NBAS: variants seen among roughly 807,000 people sequenced by gnomAD.
NBAS encodes the protein NAG/BC035112 fusion.
In NBAS, 219 loss-of-function variants were observed where a neutral mutation model predicts 302.5. The ratio of observed to expected loss-of-function variants is 0.72; its 90% CI spans 0.65 to 0.81. The LOEUF (loss-of-function observed/expected upper bound fraction) is 0.81, where lower values mean the gene tolerates loss of function less well. Ranked by LOEUF, NBAS falls within the 30% of genes least tolerant of loss-of-function variation. NBAS has a pLI of 0.00. For missense variants in NBAS, 2,932 were observed against 2,841.6 expected (o/e 1.03, Z -0.72); for synonymous variants, 1,118 against 1,021.6 (o/e 1.09, Z -1.80).
intron 42 of NBAS, among the ~76,000 whole-genome samples, chr2:15,284,269 A>G (rs977045254): frequency 6.6e-6 from 1 of 152,214 alleles, no homozygotes; most frequent in Non-Finnish European, 1.5e-5. Context: ...AGCTGTGATC[A>G]TATGTCAGAT....
At chr2:15,305,769 T>A (rs1036412427) in intron 40 of NBAS, among the ~76,000 whole-genome samples, 2 of 152,112 alleles carry the variant, frequency 1.3e-5, no homozygotes, top group South Asian at 4.1e-4. Context: ...TATGGCAGTA[T>A]GAAAATGGAC....
intron 32 of NBAS, among the ~76,000 whole-genome samples, chr2:15,359,853 C>T (rs997909127): frequency 3.2e-4 from 48 of 152,094 alleles, no homozygotes; most frequent in Non-Finnish European, 4.4e-5. Flanking sequence ...AGTTGCTTAA[C>T]AAGAGGAATA....
At chr2:15,074,438 G>A in the NBAS span, among the ~76,000 whole-genome samples, 1 of 150,468 alleles carries the variant, frequency 6.6e-6, no homozygotes, top group African/African-American at 2.4e-5. Flanking sequence ...AGGAAGGAAG[G>A]ATGGGAGGGA....
chr2:15,487,118 A>C (rs1680662867), intron 12 of NBAS, among the ~76,000 whole-genome samples: 1 of 152,320 alleles, frequency 6.6e-6, no homozygotes, highest in East Asian at 1.9e-4. Context: ...AGGGGGGAAA[A>C]TGCCTTTATT....
chr2:15,044,873 A>T, the NBAS span, among the ~76,000 whole-genome samples: 1 of 152,350 alleles, frequency 6.6e-6, no homozygotes, highest in Non-Finnish European at 1.5e-5. Context: ...AGTGCTTTGA[A>T]CATTTAGCCT....
chr2:15,209,320 A>T (rs1221139356), intron 48 of NBAS, among the ~76,000 whole-genome samples: 1 of 152,128 alleles, frequency 6.6e-6, no homozygotes, highest in East Asian at 1.9e-4. Context: ...AGTAAAGAAA[A>T]ATCTGGGACT....
chr2:14,944,354 T>C, the NBAS span, among the ~76,000 whole-genome samples: 1 of 152,008 alleles, frequency 6.6e-6, no homozygotes, highest in Admixed American at 6.6e-5. Context: ...ATCCCTGCTA[T>C]GAATCCTGCA....
chr2:15,335,379 T>A (rs1022403624), intron 35 of NBAS, among the ~76,000 whole-genome samples: 1 of 152,202 alleles, frequency 6.6e-6, no homozygotes, highest in African/African-American at 2.4e-5. Context: ...TGCTAAGGCA[T>A]AGAATATACA....
chr2:15,218,629 C>T, intron 48 of NBAS, 144 bp downstream of exon 48: 1 of 992,900 alleles, frequency 1.0e-6, no homozygotes, highest in Non-Finnish European at 1.6e-6. Flanking sequence ...TCATGTTGGC[C>T]AGGTGCCAGG....
chr2:14,789,921 T>A, the NBAS span, among the ~76,000 whole-genome samples: 2 of 152,260 alleles, frequency 1.3e-5, no homozygotes. Context: ...GCGGGAATTG[T>A]AACTTATTTG....
In NBAS at chr2:15,379,611, T is replaced by A. The variant is rs1410892413; in HGVS notation, c.3581A>T (p.Asp1194Val). Reference sequence around the variant, plus strand: ...TATAGAGTTATTCTACCTGGCTAGATCCATGCAGCTATCAGTGAGGTTGGT... The same window carrying A: ...TATAGAGTTATTCTACCTGGCTAGAACCATGCAGCTATCAGTGAGGTTGGT... The part of the protein sequence containing the change: ...SSTNLTDSCM[D>V]LARCCLQLIT... Residue 1194 changes from aspartate to valine, a missense_variant, in exon 30 of 52, where the codon GAT becomes GTT. By Grantham distance (152) the Asp-to-Val change is radical (BLOSUM62 -3). Coordinates refer to ENST00000281513, the MANE Select transcript of NBAS (RefSeq NM_015909.4). 4 of 1,613,726 alleles carry A rather than the reference T, an allele frequency of 2.5e-6. No homozygotes were observed. The highest frequency in any genetic ancestry group is 3.4e-6 in the Non-Finnish European group (4 of 1,179,904).
At chr2:14,906,752 G>A in the NBAS span, among the ~76,000 whole-genome samples, 31 of 152,282 alleles carry the variant, frequency 2.0e-4, no homozygotes, top group African/African-American at 7.5e-4. Context: ...TTTTTCTGAT[G>A]TTGCGATTCC....
the NBAS span, among the ~76,000 whole-genome samples, chr2:14,854,597 C>T: frequency 4.0e-5 from 6 of 151,632 alleles, no homozygotes; most frequent in African/African-American, 1.5e-4. Context: ...CCCCCAGCAA[C>T]AGCATGGTTC....
At chr2:15,375,249 C>T (rs11896745) in intron 30 of NBAS, among the ~76,000 whole-genome samples, 95,513 of 151,574 alleles carry the variant, frequency 0.63, 30,773 homozygotes, top group Middle Eastern at 0.69. Flanking sequence ...TGAGATGAAC[C>T]ATAGGAGAAA....
chr2:15,275,123 G>A (rs1202711746), intron 44 of NBAS, among the ~76,000 whole-genome samples: 4 of 152,130 alleles, frequency 2.6e-5, no homozygotes, highest in Non-Finnish European at 5.9e-5. Flanking sequence ...AAGCTAAGTT[G>A]TTAGCCTGGT....
intron 35 of NBAS, among the ~76,000 whole-genome samples, chr2:15,343,173 G>A (rs999118605): frequency 5.3e-5 from 8 of 152,244 alleles, no homozygotes; most frequent in African/African-American, 1.9e-4. Context: ...TAAGGAGGAA[G>A]AGCACATGAA....
chr2:15,471,411 T>C (rs1237805110), intron 16 of NBAS, among the ~76,000 whole-genome samples: 1 of 152,226 alleles, frequency 6.6e-6, no homozygotes, highest in Non-Finnish European at 1.5e-5. Context: ...TCATGTTATA[T>C]TTTTACTTTT....
At chr2:15,359,465 T>C (rs1275717084) in intron 32 of NBAS, among the ~76,000 whole-genome samples, 1 of 152,204 alleles carries the variant, frequency 6.6e-6, no homozygotes, top group Non-Finnish European at 1.5e-5. Context: ...ACTAATCTTT[T>C]ATTTATCAGA....
At chr2:14,822,402 A>G in the NBAS span, among the ~76,000 whole-genome samples, 1 of 152,198 alleles carries the variant, frequency 6.6e-6, no homozygotes, top group African/African-American at 2.4e-5. Context: ...GCTGAAGATC[A>G]CTGATATGAG....
Sources: allele counts gnomAD v4.1 joint callset (sites outside exome capture counted in the v4.1 genomes callset), GRCh38; gene constraint gnomAD v4.1.1; transcripts MANE v1.5; gene names NCBI Gene and HGNC (gene_info 2026-07-23, HGNC 2026-07-21).